WWOX: variants seen among roughly 807,000 people sequenced by gnomAD.
WWOX encodes WW domain-containing oxidoreductase.
Under a neutral mutation model 46.2 loss-of-function variants are expected in WWOX, and 69 were observed. The observed-to-expected ratio is 1.49, with a 90% confidence interval of 1.23 to 1.82. The LOEUF is 1.82. Among genes scored for constraint, WWOX ranks in the 40% most tolerant of loss-of-function variants. The pLI, the probability that WWOX is intolerant of heterozygous loss-of-function variation, is 0.00. For missense variants in WWOX, 919 were observed against 542.6 expected, an observed-to-expected ratio of 1.69 and a Z score of -6.89; for synonymous variants, 359 against 202.6, an observed-to-expected ratio of 1.77 and a Z score of -6.56.
chr16:78,887,608 C>A (rs2044495242), intron 8 of WWOX, among the ~76,000 whole-genome samples: 1 of 151,934 alleles, frequency 6.6e-6, no homozygotes, highest in South Asian at 2.1e-4. Context: ...ATGCCAAAAT[C>A]CATCAGCCAA....
chr16:78,116,773 C>A (rs1296102887), intron 4 of WWOX, among the ~76,000 whole-genome samples: 4 of 152,136 alleles, frequency 2.6e-5, no homozygotes, highest in South Asian at 2.1e-4. Flanking sequence ...GTCTTTTTAA[C>A]AATTTAACAA....
At chr16:79,177,657 T>A (rs998353694) in intron 8 of WWOX, among the ~76,000 whole-genome samples, 5 of 152,182 alleles carry the variant, frequency 3.3e-5, no homozygotes, top group African/African-American at 1.2e-4. Context: ...TCTCAATGTG[T>A]GTTCAGTTCT....
chr16:78,928,944 G>T (rs555698725), intron 8 of WWOX, among the ~76,000 whole-genome samples: 6 of 152,148 alleles, frequency 3.9e-5, no homozygotes, highest in East Asian at 3.8e-4. Context: ...CCTTTAAGTT[G>T]AGATGCTTGT....
At chr16:78,809,373 G>A (rs972084101) in intron 8 of WWOX, among the ~76,000 whole-genome samples, 4 of 147,726 alleles carry the variant, frequency 2.7e-5, no homozygotes, top group Non-Finnish European at 5.9e-5. Flanking sequence ...AGCATTTTTC[G>A]AATGAAAACT....
At chr16:78,384,835 TC>T (rs1229598138) in intron 5 of WWOX, among the ~76,000 whole-genome samples, 3 of 152,042 alleles carry the variant, frequency 2.0e-5, no homozygotes, top group African/African-American at 4.8e-5. Context: ...CTACCACCTT[TC>T]CTTAAAACTA....
chr16:78,926,268 G>A (rs142362942), intron 8 of WWOX, among the ~76,000 whole-genome samples: 1 of 152,204 alleles, frequency 6.6e-6, no homozygotes, highest in East Asian at 1.9e-4. Flanking sequence ...AGCTACCTGG[G>A]AGGCTAAAGT....
chr16:78,398,227 T>C (rs1381150807), intron 6 of WWOX, among the ~76,000 whole-genome samples: 2 of 152,124 alleles, frequency 1.3e-5, no homozygotes, highest in East Asian at 1.9e-4. Context: ...ATAGCTACAC[T>C]TCCTGCTGTG....
chr16:78,408,967 G>A (rs2082610886), intron 6 of WWOX, among the ~76,000 whole-genome samples: 1 of 152,170 alleles, frequency 6.6e-6, no homozygotes, highest in African/African-American at 2.4e-5. Context: ...ACAGATGAGA[G>A]CCAGCTTGGA....
intron 6 of WWOX, among the ~76,000 whole-genome samples, chr16:78,404,414 C>G (rs73571038): frequency 3.9e-4 from 59 of 152,198 alleles, no homozygotes; most frequent in African/African-American, 1.4e-3. Context: ...TGACTTAATC[C>G]ATTTTGGGCG....
At chr16:79,093,759 C>T (rs956957693) in intron 8 of WWOX, among the ~76,000 whole-genome samples, 1 of 152,218 alleles carries the variant, frequency 6.6e-6, no homozygotes, top group African/African-American at 2.4e-5. Context: ...TGTTCCTCTT[C>T]TCCAATCATT....
chr16:78,819,391 G>T (rs2051431289), intron 8 of WWOX, among the ~76,000 whole-genome samples: 1 of 152,184 alleles, frequency 6.6e-6, no homozygotes, highest in South Asian at 2.1e-4. Flanking sequence ...TGTCATGTCA[G>T]TTTACAATTT....
chr16:78,288,267 C>CTTTTT lies in WWOX; in HGVS notation c.517-98581_517-98577dup, dbSNP rs201333228. Among the ~76,000 whole-genome samples the CTTTTT allele has an allele frequency of 7.2e-3, 895 of 124,604 alleles. 21 individuals are homozygous for CTTTTT. The highest frequency in any genetic ancestry group is 0.022 in the African/African-American group (750 of 34,018). 81.7% of individuals were successfully genotyped at this position (124,604 alleles called of 152,430 possible). On this transcript the variant is annotated intron_variant, in intron 5 of 8. Transcript: ENST00000566780. ...GTGTGATGAATTATTTATGAGTTTA[C>CTTTTT]TTTTTTTTTTTTTTTTGCTTTAACA...
intron 8 of WWOX, among the ~76,000 whole-genome samples, chr16:78,912,238 C>T (rs1186880604): frequency 6.6e-6 from 1 of 152,012 alleles, no homozygotes; most frequent in Non-Finnish European, 1.5e-5. Flanking sequence ...TGAAGCATGT[C>T]CTATCATTAA....
intron 8 of WWOX, among the ~76,000 whole-genome samples, chr16:78,742,867 G>T (rs533815733): frequency 6.6e-6 from 1 of 152,148 alleles, no homozygotes; most frequent in South Asian, 2.1e-4. Flanking sequence ...AGAGCCGGGG[G>T]CTTCCCAGTG....
intron 8 of WWOX, among the ~76,000 whole-genome samples, chr16:79,119,536 G>A (rs2049585355): frequency 6.6e-6 from 1 of 152,190 alleles, no homozygotes; most frequent in African/African-American, 2.4e-5. Flanking sequence ...TTCATATGAT[G>A]TTTTGCAGTT....
intron 5 of WWOX, among the ~76,000 whole-genome samples, chr16:78,313,877 C>T (rs925360800): frequency 6.6e-6 from 1 of 152,294 alleles, no homozygotes; most frequent in South Asian, 2.1e-4. Flanking sequence ...CATCAGAATT[C>T]ATTCTCAGAT....
In WWOX at chr16:78,967,873, G is replaced by T. The variant is rs138704302; in HGVS notation, c.1057-243735G>T. Among the ~76,000 whole-genome samples, 3 of 152,276 alleles carry T rather than the reference G, an allele frequency of 2.0e-5. No individual in the cohort carries two copies. The East Asian group carries it at 5.8e-4, about 29-fold the overall frequency. Reference sequence around the variant, plus strand: ...AAATCAACTCTGTTGCAGCCTCCGGGGCCACATCAGTAGCTGCAGGAGGAG... The same window carrying T: ...AAATCAACTCTGTTGCAGCCTCCGGTGCCACATCAGTAGCTGCAGGAGGAG... On this transcript the variant is annotated intron_variant, in intron 8 of 8. Coordinates refer to ENST00000566780, the MANE Select transcript of WWOX (RefSeq NM_016373.4).
intron 8 of WWOX, among the ~76,000 whole-genome samples, chr16:78,845,476 C>A (rs961664558): frequency 6.6e-6 from 1 of 152,160 alleles, no homozygotes; most frequent in Non-Finnish European, 1.5e-5. Context: ...AAAGTATGCT[C>A]ATGGATTCTC....
chr16:78,629,442 C>A (rs1057505603), intron 8 of WWOX, among the ~76,000 whole-genome samples: 1 of 152,174 alleles, frequency 6.6e-6, no homozygotes, highest in Non-Finnish European at 1.5e-5. Context: ...CTTCTTCAGG[C>A]AGAAGCTGGA....
Sources: gnomAD v4.1 joint callset for allele counts (sites outside exome capture counted in the v4.1 genomes callset) on GRCh38, gnomAD v4.1.1 for gene constraint, MANE v1.5 for transcripts, NCBI Gene and HGNC (gene_info 2026-07-23, HGNC 2026-07-21) for gene names.